UBA5: variants seen among roughly 807,000 people sequenced by gnomAD.
UBA5 encodes the protein ubiquitin-like modifier-activating enzyme 5.
In UBA5, 28 loss-of-function variants were observed where a neutral mutation model predicts 52.9. That is an observed-to-expected ratio of 0.53 (90% CI 0.39 to 0.73). The LOEUF (loss-of-function observed/expected upper bound fraction) is 0.73. Ranked by LOEUF, UBA5 falls within the 30% of genes least tolerant of loss-of-function variation. UBA5 has a pLI of 0.00. For missense variants in UBA5, 388 were observed against 492.7 expected, an observed-to-expected ratio of 0.79 and a Z score of 2.01; for synonymous variants, 135 against 162.1, an observed-to-expected ratio of 0.83 and a Z score of 1.27.
rs143023981 is a variant in UBA5 at position 132,675,827 on chromosome 3, G to A, written c.1035G>A (p.Leu345=). The A allele has an allele frequency of 7.3e-4, 1,172 of 1,609,386 alleles. 2 individuals are homozygous for A. Among genetic ancestry groups the A allele is most frequent in the Non-Finnish European group, 9.0e-4 (1,066 of 1,178,106 alleles). Residue 345 remains leucine, a synonymous_variant, in exon 11 of 12, where the codon CTG becomes CTA. Coordinates refer to ENST00000356232, the MANE Select transcript of UBA5 (RefSeq NM_024818.6). ...IHEDNEWGIE[L]VSEVSEEELK... ...GGATCAAATTTACAGGTATTGAGCT[G>A]GTATCTGAGGTTTCAGAAGAGGAAC...
chr3:132,659,300 G>T (rs922631989), upstream of UBA5, among the ~76,000 whole-genome samples: 1 of 152,196 alleles, frequency 6.6e-6, no homozygotes, highest in Admixed American at 6.5e-5. Context: ...CTATTTCTCA[G>T]AATTTGTAGC....
At chr3:132,662,233 A>G (rs186818314) in intron 1 of UBA5, among the ~76,000 whole-genome samples, 2 of 152,346 alleles carry the variant, frequency 1.3e-5, no homozygotes, top group East Asian at 3.9e-4. Flanking sequence ...TTTGATACCC[A>G]AAGCTGTTCA....
At chr3:132,659,955 A>C, upstream of UBA5, 2 of 539,036 alleles carry the variant, frequency 3.7e-6, no homozygotes, top group Non-Finnish European at 6.2e-6. Context: ...CAAGTGCCAA[A>C]AGAGCCCAAT....
chr3:132,659,619 T>A, upstream of UBA5: 1 of 1,610,242 alleles, frequency 6.2e-7, no homozygotes. Flanking sequence ...TGGGCAATGG[T>A]CAGCGTAGCC....
Position 132,676,591 on chromosome 3 carries a change from T to C in UBA5, c.*65T>C. 8.5e-7 allele frequency: 1 copy of C among 1,172,426 alleles called. No individual in the cohort carries two copies. The highest frequency in any genetic ancestry group is 1.6e-5 in the African/African-American group (1 of 64,016). The allele number at this position is 1,172,426 out of a possible 1,614,324, so 72.6% of individuals were successfully genotyped here. The stretch of plus-strand genomic sequence containing the variant: ...CTCTTCCCTTGAAATTAAAAAAAAA[T>C]TTTAACTGATAAAACTTAGGGCAAC... On this transcript the variant is annotated 3_prime_UTR_variant, in exon 12 of 12. Coordinates refer to ENST00000356232, the MANE Select transcript of UBA5 (RefSeq NM_024818.6). This position sits in a 1 kb window ranked among gnomAD's most constrained non-coding sequence, Gnocchi z 4.1.
intron 8 of UBA5, among the ~76,000 whole-genome samples, chr3:132,673,987 T>G (rs1194334414): frequency 6.6e-6 from 1 of 152,194 alleles, no homozygotes; most frequent in Non-Finnish European, 1.5e-5. Context: ...TTTTTTAAAG[T>G]AGAATTTCTG....
chr3:132,673,841 A>AT (rs986229695), intron 8 of UBA5, among the ~76,000 whole-genome samples: 2 of 151,662 alleles, frequency 1.3e-5, no homozygotes, highest in African/African-American at 4.8e-5. Context: ...ATGTTTTTGT[A>AT]TTTTTTGTAG....
intron 1 of UBA5, among the ~76,000 whole-genome samples, chr3:132,654,835 A>T (rs1395420917): frequency 6.6e-6 from 1 of 152,212 alleles, no homozygotes; most frequent in Admixed American, 6.5e-5. Context: ...ATTCCTAAGC[A>T]TTTAATTGGC....
upstream of UBA5, among the ~76,000 whole-genome samples, chr3:132,658,098 A>G (rs1472385063): frequency 1.3e-5 from 2 of 152,092 alleles, no homozygotes; most frequent in African/African-American, 4.8e-5. Context: ...CCTGACCTCA[A>G]GTGATCCACG....
At position 132,676,944 on chromosome 3, in the gene UBA5, T is replaced by C. The variant is rs1317413297; in HGVS notation, c.*418T>C. ...GGAGAAGGACAAGGCATACAGCTTATTGATTAGAGCTGGCAAGCATCTGCT... is the reference window on the plus strand; with the variant it reads ...GGAGAAGGACAAGGCATACAGCTTACTGATTAGAGCTGGCAAGCATCTGCT... On this transcript the variant is annotated 3_prime_UTR_variant, in exon 12 of 12. Coordinates refer to ENST00000356232, the MANE Select transcript of UBA5 (RefSeq NM_024818.6). The surrounding 1 kb of genome is among the most constrained non-coding windows in gnomAD (Gnocchi z 4.1). 1.1e-5 allele frequency: 5 copies of C among 450,004 alleles called. No homozygotes were observed. In the Admixed American group the frequency reaches 1.2e-4, roughly 11 times the overall value. The allele number at this position is 450,004 out of a possible 1,614,324, so 27.9% of individuals were successfully genotyped here.
At chr3:132,658,708 C>A (rs1016975593), upstream of UBA5, among the ~76,000 whole-genome samples, 1 of 152,098 alleles carries the variant, frequency 6.6e-6, no homozygotes, top group Admixed American at 6.5e-5. Context: ...GTTCCCTGAT[C>A]CATCTCATTT....
intron 4 of UBA5, 116 bp downstream of exon 4, chr3:132,669,043 C>A: frequency 1.5e-6 from 1 of 683,644 alleles, no homozygotes; most frequent in South Asian, 2.7e-5. Context: ...TTCACTTGTA[C>A]AAAGAATTCT....
chr3:132,663,742 G>A (rs1938264021), intron 1 of UBA5, among the ~76,000 whole-genome samples: 1 of 152,084 alleles, frequency 6.6e-6, no homozygotes, highest in Non-Finnish European at 1.5e-5. Flanking sequence ...ACAGAACAAA[G>A]GATGAAAGAA....
chr3:132,670,792 A>G (rs948591974), intron 5 of UBA5, 173 bp from the exon 6 acceptor site: 1 of 430,310 alleles, frequency 2.3e-6, no homozygotes, highest in Non-Finnish European at 4.1e-6. Flanking sequence ...TGTTATATTC[A>G]TAAGTTACTC....
chr3:132,678,443 G>T lies in UBA5; in HGVS notation c.*1917G>T, dbSNP rs544483109. Among the ~76,000 whole-genome samples, 2 of 152,246 alleles carry T rather than the reference G, an allele frequency of 1.3e-5. No homozygotes were observed. The highest frequency in any genetic ancestry group is 4.2e-4 in the South Asian group (2 of 4,816). On this transcript the variant is annotated 3_prime_UTR_variant, in exon 12 of 12. Coordinates refer to ENST00000356232, the MANE Select transcript of UBA5 (RefSeq NM_024818.6). Reference sequence around the variant, plus strand: ...TGTGAAAGATGGAAAAGCAGTCCCAGAATTGGCTTAGCACAGAGACTCTAA... The same window carrying T: ...TGTGAAAGATGGAAAAGCAGTCCCATAATTGGCTTAGCACAGAGACTCTAA...
chr3:132,662,065 C>G (rs183656008), intron 1 of UBA5, among the ~76,000 whole-genome samples: 1 of 152,260 alleles, frequency 6.6e-6, no homozygotes, highest in African/African-American at 2.4e-5. Context: ...GAATATGGGT[C>G]ATGAATTTAA....
rs115362458 is a variant in UBA5 at position 132,668,543 on chromosome 3, G to A, written c.298-275G>A. 976 of 199,990 alleles carry A rather than the reference G, an allele frequency of 4.9e-3. 13 individuals are homozygous for A. The highest frequency in any genetic ancestry group is 0.021 in the African/African-American group (930 of 43,296). 12.4% of individuals were successfully genotyped at this position (199,990 alleles called of 1,614,324 possible). A position where few individuals can be genotyped will look rare whatever the true frequency, so the allele number is the denominator to read the frequency against. On this transcript the variant is annotated intron_variant, in intron 3 of 11. Coordinates refer to ENST00000356232, the MANE Select transcript of UBA5 (RefSeq NM_024818.6). ...GGTTGAGGTGCAGATGCTGGATTGA[G>A]AATGCTTGAATTTGAATCCCATTTT...
Position 132,660,900 on chromosome 3 carries a change from GAGTC to G in UBA5, c.161+205_161+208del. 2.1e-6 allele frequency: 3 copies of G among 1,451,806 alleles called. No individual in the cohort carries two copies. The highest frequency in any genetic ancestry group is 1.8e-6 in the Non-Finnish European group (2 of 1,106,206). 89.9% of individuals were successfully genotyped at this position (1,451,806 alleles called of 1,614,324 possible). ...TTTCTCTTTTTTAAAAACCTCCAGTGAGTCAGCCATATGGTGCTGCTCCTGTGCC... is the reference window on the plus strand; with the variant it reads ...TTTCTCTTTTTTAAAAACCTCCAGTGAGCCATATGGTGCTGCTCCTGTGCC... On this transcript the variant is annotated intron_variant, in intron 1 of 11. Coordinates refer to ENST00000356232, the MANE Select transcript of UBA5 (RefSeq NM_024818.6). This position sits in a 1 kb window ranked among gnomAD's most constrained non-coding sequence, Gnocchi z 4.1.
intron 8 of UBA5, among the ~76,000 whole-genome samples, chr3:132,674,462 C>T (rs756360659): frequency 1.3e-5 from 2 of 152,036 alleles, no homozygotes; most frequent in South Asian, 2.1e-4. Flanking sequence ...CCAAGGCAGG[C>T]GGATTGCTTG....
Sources: gnomAD v4.1 joint callset for allele counts (sites outside exome capture counted in the v4.1 genomes callset) on GRCh38, gnomAD v4.1.1 for gene constraint, Gnocchi (gnomAD v3.1) non-coding constraint, MANE v1.5 for transcripts, NCBI Gene and HGNC (gene_info 2026-07-23, HGNC 2026-07-21) for gene names.